FAM53C: variants seen among roughly 807,000 people sequenced by gnomAD.
The protein encoded by FAM53C is family with sequence similarity 53 member C.
In FAM53C, 10 loss-of-function variants were observed where a neutral mutation model predicts 34.7. That is an observed-to-expected ratio of 0.29 (90% CI 0.18 to 0.49). FAM53C has a LOEUF of 0.49. FAM53C is among the 20% of genes least tolerant of loss of function. The probability of loss-of-function intolerance (pLI) is 0.99; values close to 1 mark genes in which losing one functional copy is unlikely to be tolerated. For missense variants in FAM53C, 442 were observed against 515.3 expected (o/e 0.86, Z 1.38); for synonymous variants, 203 against 203.6 (o/e 1.00, Z 0.03).
At chr5:138,344,740 T>TG in intron 3 of FAM53C, 85 bp from the exon 4 acceptor site, 1 of 1,247,384 alleles carries the variant, frequency 8.0e-7, no homozygotes, top group South Asian at 1.8e-5. Flanking sequence ...TCACATAAAA[T>TG]GCTCCATACA....
chr5:138,338,101 A>T, upstream of FAM53C: 1 of 1,289,824 alleles, frequency 7.8e-7, no homozygotes, highest in Non-Finnish European at 1.0e-6. Flanking sequence ...CGTTCCCAAC[A>T]GCGCTGTCCG....
Position 138,341,829 on chromosome 5 carries a change from C to CATCT in FAM53C, c.100_103dup (p.Ser35TyrfsTer13). The CATCT allele has an allele frequency of 2.5e-6, 4 of 1,614,170 alleles. No homozygotes were observed. Among genetic ancestry groups the CATCT allele is most frequent in the Non-Finnish European group, 3.4e-6 (4 of 1,180,004 alleles). ...CTTAGCCTTTGCCTGATCATGCAGACATCTCCAACTGTGGGAACTCTTTCC... is the reference window on the plus strand; with the variant it reads ...CTTAGCCTTTGCCTGATCATGCAGACATCTATCTCCAACTGTGGGAACTCTTTCC... On this transcript the variant is annotated frameshift_variant, in exon 3 of 5. Coordinates refer to ENST00000239906, the MANE Select transcript of FAM53C (RefSeq NM_016605.3). LOFTEE classifies it high-confidence loss of function.
upstream of FAM53C, chr5:138,337,616 G>C (rs1050118751): frequency 1.3e-5 from 4 of 303,868 alleles, no homozygotes; most frequent in Admixed American, 1.6e-4. Context: ...AAAGTGTTCT[G>C]GGTGAGGGCA....
In FAM53C at chr5:138,348,584, C is replaced by T. The variant is rs1761241217; in HGVS notation, c.*1625C>T. The T allele has an allele frequency of 6.6e-6, 1 of 152,214 alleles. No individual in the cohort carries two copies. Among genetic ancestry groups the T allele is most frequent in the African/African-American group, 2.4e-5 (1 of 41,440 alleles). The allele number at this position is 152,214 out of a possible 1,614,324, so 9.4% of individuals were successfully genotyped here. A position where few individuals can be genotyped will look rare whatever the true frequency, so the allele number is the denominator to read the frequency against. On this transcript the variant is annotated 3_prime_UTR_variant, in exon 5 of 5. Coordinates refer to ENST00000239906, the MANE Select transcript of FAM53C (RefSeq NM_016605.3). ...GTGTTTTCTTCCTCATGGAATTGAACCTGACATTTTCTGGATCTCCTGCAT... is the reference window on the plus strand; with the variant it reads ...GTGTTTTCTTCCTCATGGAATTGAATCTGACATTTTCTGGATCTCCTGCAT...
intron 3 of FAM53C, 127 bp from the exon 4 acceptor site, chr5:138,344,698 T>C (rs2126888887): frequency 4.2e-6 from 3 of 717,684 alleles, no homozygotes; most frequent in South Asian, 2.5e-5. Context: ...ATGATAACGA[T>C]ACTACCTACC....
chr5:138,341,944 A>T, intron 3 of FAM53C, 78 bp downstream of exon 3: 1 of 1,467,432 alleles, frequency 6.8e-7, no homozygotes, highest in Non-Finnish European at 9.5e-7. Flanking sequence ...GTTTCCAGTG[A>T]CCAGGGCTAG....
rs1431863858 is a variant in FAM53C at position 138,346,598 on chromosome 5, A to T, written c.922-104A>T. 31 of 1,437,580 alleles carry T rather than the reference A, an allele frequency of 2.2e-5. 1 individual carries two copies. The highest frequency in any genetic ancestry group is 2.1e-4 in the East Asian group (9 of 43,566). 89.1% of individuals were successfully genotyped at this position (1,437,580 alleles called of 1,614,324 possible). ...AAGATCACGCCACTGCACTCCAGCC[A>T]GGGTGACAGAGTGAGACTCCGTCTC... On this transcript the variant is annotated intron_variant, in intron 4 of 4. Coordinates refer to ENST00000239906, the MANE Select transcript of FAM53C (RefSeq NM_016605.3).
At chr5:138,339,373 G>A (rs1760952488) in intron 1 of FAM53C, among the ~76,000 whole-genome samples, 2 of 152,228 alleles carry the variant, frequency 1.3e-5, no homozygotes, top group Non-Finnish European at 2.9e-5. Context: ...AACTCAGGCT[G>A]AGAGTATCAG....
Position 138,345,627 on chromosome 5 carries a change from A to G in FAM53C, c.921+18A>G. The G allele has an allele frequency of 6.3e-7, 1 of 1,598,750 alleles. No homozygotes were observed. The highest frequency in any genetic ancestry group is 8.5e-7 in the Non-Finnish European group (1 of 1,171,388). The stretch of plus-strand genomic sequence containing the variant: ...TGAATCAGGTGGGACCAGCAAGACT[A>G]GGGGAGCTTAGATGGGAGTGTGGGG... On this transcript the variant is annotated intron_variant, in intron 4 of 4. Transcript: ENST00000239906. The surrounding 1 kb of genome is among the most constrained non-coding windows in gnomAD (Gnocchi z 6.3).
chr5:138,341,441 A>G (rs748322898), intron 2 of FAM53C, 28 bp downstream of exon 2: 2 of 1,582,698 alleles, frequency 1.3e-6, no homozygotes, highest in Non-Finnish European at 8.7e-7. Flanking sequence ...CTGCTTCTCC[A>G]CGACCCCCTC....
chr5:138,342,024 CA>C lies in FAM53C; in HGVS notation c.136+159del, dbSNP rs1761047353. On this transcript the variant is annotated intron_variant, in intron 3 of 4. Coordinates refer to ENST00000239906, the MANE Select transcript of FAM53C (RefSeq NM_016605.3). ...TTGACAGTTGTCTTTCATGTTCTAGCATGAAAGTTATCTGGTTGGTTTGCTC... is the reference window on the plus strand; with the variant it reads ...TTGACAGTTGTCTTTCATGTTCTAGCTGAAAGTTATCTGGTTGGTTTGCTC... 6.1e-6 allele frequency: 4 copies of C among 651,326 alleles called. No homozygotes were observed. The Admixed American group carries it at 1.0e-4, about 17-fold the overall frequency. 40.3% of individuals were successfully genotyped at this position (651,326 alleles called of 1,614,324 possible).
Position 138,344,830 on chromosome 5 carries a change from GCTTCC to G in FAM53C, c.143_147del (p.Ala48ValfsTer11). 2 of 1,537,870 alleles carry G rather than the reference GCTTCC, an allele frequency of 1.3e-6. No homozygotes were observed. Among genetic ancestry groups the G allele is most frequent in the Admixed American group, 2.2e-5 (1 of 45,462 alleles). On this transcript the variant is annotated frameshift_variant, in exon 4 of 5. Transcript: ENST00000239906. LOFTEE classifies it high-confidence loss of function. ...TTATTATAAATGCCTTCCAGAAGGT[GCTTCC>G]TGGAGGGGCCTGCCCCACTGTTCCT...
In FAM53C at chr5:138,344,860, T is replaced by C. The variant is rs765865783; in HGVS notation, c.172T>C (p.Cys58Arg). 5 of 1,598,328 alleles carry C rather than the reference T, an allele frequency of 3.1e-6. No homozygotes were observed. The East Asian group carries it at 1.1e-4, about 36-fold the overall frequency. ...CTGGAGGGGCCTGCCCCACTGTTCC[T>C]GTGCTGAGTTCCAGGACAGCCTCAA... ...ASWRGLPHCSCAEFQDSLNFS... is the reference protein window; with the variant it reads ...ASWRGLPHCSRAEFQDSLNFS... The change falls in exon 4 of 5, where the codon TGT (cysteine) becomes CGT (arginine). Residue 58 changes from cysteine to arginine, a missense_variant. Cys to Arg is a radical substitution (Grantham distance 180). Transcript: ENST00000239906.
At position 138,345,109 on chromosome 5, in the gene FAM53C, C is replaced by A; in HGVS notation, c.421C>A (p.Leu141Met). The change falls in exon 4 of 5, where the codon CTG (leucine) becomes ATG (methionine). Residue 141 changes from leucine to methionine, a missense_variant. Leu to Met is a conservative substitution (Grantham distance 15, BLOSUM62 2). Coordinates refer to ENST00000239906, the MANE Select transcript of FAM53C (RefSeq NM_016605.3). The surrounding 1 kb of genome is among the most constrained non-coding windows in gnomAD (Gnocchi z 6.3). ...GGTGTGGCGGCCCGCCCCCTCCAAG[C>A]TGTGGACTCCCATAAAGCACCGGGG... The part of the protein sequence containing the change: ...QPVWRPAPSK[L>M]WTPIKHRGSG... The A allele has an allele frequency of 6.2e-7, 1 of 1,614,006 alleles. No homozygotes were observed. The highest frequency in any genetic ancestry group is 8.5e-7 in the Non-Finnish European group (1 of 1,179,906).
At chr5:138,344,764 G>C in intron 3 of FAM53C, 61 bp from the exon 4 acceptor site, 1 of 1,425,116 alleles carries the variant, frequency 7.0e-7, no homozygotes, top group Non-Finnish European at 9.4e-7. Context: ...TGTGGCAAAT[G>C]GTAAGTTCTT....
chr5:138,344,955 G>A lies in FAM53C; in HGVS notation c.267G>A (p.Glu89=). 6.2e-7 allele frequency: 1 copy of A among 1,614,106 alleles called. No homozygotes were observed. Among genetic ancestry groups the A allele is most frequent in the East Asian group, 2.2e-5 (1 of 44,856 alleles). The change falls in exon 4 of 5, where the codon GAG becomes GAA. Residue 89 remains glutamate, a synonymous_variant. Transcript: ENST00000239906. ...CCAGTCGGGGAAACTCCCCCAAGGA[G>A]CAGCCCTTCTCCCAAGTCCTAAGAC... ...RPPSRGNSPK[E]QPFSQVLRPE... is the part of the protein sequence containing the mutation.
upstream of FAM53C, chr5:138,338,248 G>T (rs1422333893): frequency 8.7e-7 from 1 of 1,146,238 alleles, no homozygotes; most frequent in Non-Finnish European, 1.2e-6. Flanking sequence ...AGGGCACCGT[G>T]GGGCGAACCG....
At chr5:138,346,072 T>A (rs1367144364) in intron 4 of FAM53C, among the ~76,000 whole-genome samples, 1 of 152,226 alleles carries the variant, frequency 6.6e-6, no homozygotes, top group African/African-American at 2.4e-5. Context: ...GTTTTTTGAC[T>A]TCCTGGTGTG....
intron 2 of FAM53C, 63 bp from the exon 3 acceptor site, chr5:138,341,746 C>A: frequency 6.8e-7 from 1 of 1,462,504 alleles, no homozygotes. Flanking sequence ...CTGAAGAGGG[C>A]TTCCTAGAAA....
Sources: gnomAD v4.1 joint callset for allele counts (sites outside exome capture counted in the v4.1 genomes callset) on GRCh38, gnomAD v4.1.1 for gene constraint, Gnocchi (gnomAD v3.1) non-coding constraint, MANE v1.5 for transcripts, NCBI Gene and HGNC (gene_info 2026-07-23, HGNC 2026-07-21) for gene names.